The following NRXN1 variants were observed in gnomAD, a reference collection of about 807,000 sequenced individuals.
NRXN1 encodes neurexin-1.
NRXN1 carries 39 observed loss-of-function variants against 150.9 expected under a neutral mutation model. The ratio of observed to expected loss-of-function variants is 0.26; its 90% CI spans 0.20 to 0.34. NRXN1 has a LOEUF of 0.34. Ranked by LOEUF, NRXN1 falls within the 10% of genes least tolerant of loss-of-function variation. The pLI, the probability that NRXN1 is intolerant of heterozygous loss-of-function variation, is 1.00. For synonymous variants in NRXN1, 924 were observed against 757.0 expected (o/e 1.22, Z -3.62); for missense variants, 1,815 against 1,949.9 (o/e 0.93, Z 1.30).
At chr2:51,016,156 T>C (rs1015035143) in intron 2 of NRXN1, among the ~76,000 whole-genome samples, 3 of 151,980 alleles carry the variant, frequency 2.0e-5, no homozygotes, top group African/African-American at 7.2e-5. Flanking sequence ...ATAAAGATCC[T>C]TGAAGAAAAC....
chr2:50,928,237 G>C (rs1687213922), intron 2 of NRXN1, among the ~76,000 whole-genome samples: 1 of 151,804 alleles, frequency 6.6e-6, no homozygotes, highest in Non-Finnish European at 1.5e-5. Flanking sequence ...CAAAGTACTA[G>C]AATAAATGGG....
At chr2:50,554,839 G>A (rs1203627505) in intron 8 of NRXN1, among the ~76,000 whole-genome samples, 1 of 152,140 alleles carries the variant, frequency 6.6e-6, no homozygotes, top group Non-Finnish European at 1.5e-5. Context: ...TAAAGAACAT[G>A]ATATCCCTTA....
At position 50,346,962 on chromosome 2, in the gene NRXN1, G is replaced by A. The variant is rs796052761; in HGVS notation, c.3365-109992C>T. ...TCCTCTGGTACATGGCGGGGCGCCC[G>A]CCGAGGGGCAGCCGCCGCGGGAGGC... On this transcript the variant is annotated intron_variant, in intron 17 of 22. Coordinates refer to ENST00000401669, the MANE Select transcript of NRXN1 (RefSeq NM_001330078.2). This position sits in a 1 kb window ranked among gnomAD's most constrained non-coding sequence, Gnocchi z 5.0. The A allele has an allele frequency of 5.5e-5, 75 of 1,366,886 alleles. 1 individual carries two copies. In the East Asian group the frequency reaches 2.8e-3, roughly 51 times the overall value. The allele number at this position is 1,366,886 out of a possible 1,614,324, so 84.7% of individuals were successfully genotyped here. A position where few individuals can be genotyped will look rare whatever the true frequency, so the allele number is the denominator to read the frequency against.
intron 5 of NRXN1, among the ~76,000 whole-genome samples, chr2:50,647,532 G>A (rs901634016): frequency 2.8e-4 from 42 of 151,972 alleles, no homozygotes; most frequent in African/African-American, 7.2e-4. Flanking sequence ...ACACAAGCAC[G>A]TGGTATCCTA....
At chr2:50,728,992 C>T (rs1044887609) in intron 5 of NRXN1, among the ~76,000 whole-genome samples, 1 of 152,116 alleles carries the variant, frequency 6.6e-6, no homozygotes, top group African/African-American at 2.4e-5. Context: ...TAATATGCTA[C>T]TGTGAAACCT....
intron 17 of NRXN1, among the ~76,000 whole-genome samples, chr2:50,337,757 G>A (rs1353049750): frequency 1.3e-5 from 2 of 151,928 alleles, no homozygotes; most frequent in East Asian, 1.9e-4. Context: ...GCCAAGAGTT[G>A]AATTAATTCA....
In NRXN1 at chr2:50,412,342, AT is replaced by A. The variant is rs70948707; in HGVS notation, c.3364+53099del. On this transcript the variant is annotated intron_variant, in intron 17 of 22. Coordinates refer to ENST00000401669, the MANE Select transcript of NRXN1 (RefSeq NM_001330078.2). ...AAAAAATAAATAAAAAATAAAAAAA[AT>A]AATAAATAATAAAAATAATCTTAAA... Among the ~76,000 whole-genome samples, 943 of 148,870 alleles carry A rather than the reference AT, an allele frequency of 6.3e-3. 3 individuals are homozygous for A. The highest frequency in any genetic ancestry group is 8.5e-3 in the Non-Finnish European group (574 of 67,308).
rs1263281345 is a variant in NRXN1 at position 50,513,087 on chromosome 2, A to C, written c.2375-6470T>G. 3.9e-5 allele frequency among the ~76,000 whole-genome samples: 6 copies of C among 152,320 alleles called. No homozygotes were observed. In the South Asian group the frequency reaches 1.2e-3, roughly 32 times the overall value. ...TCTTTGAGCTTTCCTTCCATCATCTATAAATGTGAGATAATAATGCCTACC... is the reference window on the plus strand; with the variant it reads ...TCTTTGAGCTTTCCTTCCATCATCTCTAAATGTGAGATAATAATGCCTACC... On this transcript the variant is annotated intron_variant, in intron 12 of 22. Coordinates refer to ENST00000401669, the MANE Select transcript of NRXN1 (RefSeq NM_001330078.2).
At chr2:50,576,310 T>A (rs1671424850) in intron 8 of NRXN1, among the ~76,000 whole-genome samples, 1 of 152,144 alleles carries the variant, frequency 6.6e-6, no homozygotes, top group East Asian at 1.9e-4. Flanking sequence ...TAGTGACAAA[T>A]TTCCTGGTAT....
chr2:50,274,220 T>C (rs1297228451), intron 17 of NRXN1, among the ~76,000 whole-genome samples: 1 of 152,126 alleles, frequency 6.6e-6, no homozygotes, highest in South Asian at 2.1e-4. Flanking sequence ...GTTCATGCCC[T>C]TCACAGGGAC....
At chr2:50,338,340 T>C (rs1003472213) in intron 17 of NRXN1, among the ~76,000 whole-genome samples, 1 of 152,160 alleles carries the variant, frequency 6.6e-6, no homozygotes, top group Admixed American at 6.5e-5. Flanking sequence ...ATTTTTCTAC[T>C]ATGTAGGCAC....
intron 8 of NRXN1, among the ~76,000 whole-genome samples, chr2:50,578,537 G>C (rs1671774392): frequency 6.6e-6 from 1 of 152,058 alleles, no homozygotes; most frequent in East Asian, 1.9e-4. Flanking sequence ...ATCACAACCA[G>C]GGTATTTACA....
chr2:50,806,218 C>T (rs1051043582), intron 5 of NRXN1, among the ~76,000 whole-genome samples: 7 of 152,132 alleles, frequency 4.6e-5, no homozygotes, highest in African/African-American at 1.7e-4. Context: ...TAAAGATGGT[C>T]AATCTATTCA....
At chr2:50,676,735 G>A (rs1404057705) in intron 5 of NRXN1, among the ~76,000 whole-genome samples, 2 of 152,094 alleles carry the variant, frequency 1.3e-5, no homozygotes, top group African/African-American at 4.8e-5. Flanking sequence ...GAGTTCCAAA[G>A]AAAGGAAAGG....
At chr2:51,025,802 A>G (rs917413740) in intron 2 of NRXN1, among the ~76,000 whole-genome samples, 9 of 152,226 alleles carry the variant, frequency 5.9e-5, no homozygotes, top group Non-Finnish European at 4.4e-5. Context: ...ACATAACTGT[A>G]AAGCCTGCTC....
At chr2:50,644,754 T>C (rs1041852029) in intron 5 of NRXN1, among the ~76,000 whole-genome samples, 4 of 149,416 alleles carry the variant, frequency 2.7e-5, no homozygotes, top group African/African-American at 7.3e-5. Context: ...GGTGTATATA[T>C]ACAAATATTT....
intron 2 of NRXN1, among the ~76,000 whole-genome samples, chr2:50,972,100 T>G (rs751404855): frequency 6.7e-6 from 1 of 148,302 alleles, no homozygotes; most frequent in Non-Finnish European, 1.5e-5. Flanking sequence ...AAAAAAAAAA[T>G]TATTTGCTGT....
chr2:50,600,321 CTTTTTTTTTTTT>C (rs779234312), intron 8 of NRXN1, among the ~76,000 whole-genome samples: 3 of 120,236 alleles, frequency 2.5e-5, no homozygotes, highest in Non-Finnish European at 5.1e-5. Context: ...TTAAGACTAG[CTTTTTTTTTTTT>C]TTTTTTTTTG....
At chr2:50,228,510 A>T (rs1327378172) in intron 18 of NRXN1, among the ~76,000 whole-genome samples, 1 of 152,002 alleles carries the variant, frequency 6.6e-6, no homozygotes, top group East Asian at 1.9e-4. Flanking sequence ...CCTGTGAGAC[A>T]CCCAGGTAGA....
Sources: allele counts gnomAD v4.1 joint callset (sites outside exome capture counted in the v4.1 genomes callset), GRCh38; gene constraint gnomAD v4.1.1; non-coding constraint Gnocchi (gnomAD v3.1); transcripts MANE v1.5; gene names NCBI Gene and HGNC (gene_info 2026-07-23, HGNC 2026-07-21).